The following NTRK2 variants were observed in gnomAD, a reference collection of about 807,000 sequenced individuals.
The protein encoded by NTRK2 is neurotrophic receptor tyrosine kinase 2, also known as BDNF/NT-3 growth factors receptor.
In NTRK2, 13 loss-of-function variants were observed where a neutral mutation model predicts 94.5. The observed-to-expected ratio is 0.14, with a 90% CI of 0.09 to 0.22. The LOEUF (loss-of-function observed/expected upper bound fraction) is 0.22, where lower values mean the gene tolerates loss of function less well. NTRK2 is among the 10% of genes least tolerant of loss of function. The pLI is 1.00. For synonymous variants in NTRK2, 372 were observed against 407.4 expected (o/e 0.91, Z 1.05); for missense variants, 639 against 1,071.2 (o/e 0.60, Z 5.63).
intron 17 of NTRK2, among the ~76,000 whole-genome samples, chr9:85,013,942 C>T (rs184073541): frequency 3.3e-4 from 50 of 152,222 alleles, no homozygotes; most frequent in Non-Finnish European, 5.7e-4. Context: ...TTAGAAGGTC[C>T]CAGATTGGCA....
intron 12 of NTRK2, among the ~76,000 whole-genome samples, chr9:84,834,259 A>C (rs2073742122): frequency 6.6e-6 from 1 of 152,246 alleles, no homozygotes; most frequent in Admixed American, 6.5e-5. Flanking sequence ...GCACAAAATA[A>C]AAAATTATTT....
rs1262477639 is a variant in NTRK2, at chr9:84,672,638, A to G, written c.212+1678A>G. ...AAATTCTGTTTTAGGTGATAGATGC[A>G]TATAATGAAGAAAGAAAGAAGATAG... On this transcript the variant is annotated intron_variant, in intron 2 of 18. Coordinates refer to ENST00000277120, the MANE Select transcript of NTRK2 (RefSeq NM_006180.6). Among the ~76,000 whole-genome samples the G allele has an allele frequency of 2.0e-5, 3 of 152,306 alleles. No individual in the cohort carries two copies. The East Asian group carries it at 5.8e-4, about 29-fold the overall frequency.
At chr9:84,790,793 G>A (rs1588623220) in intron 12 of NTRK2, among the ~76,000 whole-genome samples, 1 of 152,184 alleles carries the variant, frequency 6.6e-6, no homozygotes, top group Admixed American at 6.5e-5. Context: ...AGAACCTGGG[G>A]ACACAAGAGA....
intron 14 of NTRK2, among the ~76,000 whole-genome samples, chr9:84,884,623 G>A (rs150861870): frequency 1.0e-3 from 152 of 152,294 alleles, no homozygotes; most frequent in Non-Finnish European, 1.4e-3. Flanking sequence ...AATATATCAC[G>A]ACGTTTGTGA....
intron 13 of NTRK2, among the ~76,000 whole-genome samples, chr9:84,865,218 T>C (rs957911539): frequency 1.3e-5 from 2 of 152,188 alleles, no homozygotes; most frequent in Non-Finnish European, 2.9e-5. Flanking sequence ...ACACAACTGA[T>C]GGGTTTGCCT....
intron 2 of NTRK2, among the ~76,000 whole-genome samples, chr9:84,685,664 T>C (rs191073775): frequency 2.0e-5 from 3 of 152,162 alleles, no homozygotes; most frequent in African/African-American, 7.2e-5. Flanking sequence ...AGTTTTCAAT[T>C]TATCTACTGA....
chr9:84,767,522 A>G (rs1047559225), intron 12 of NTRK2, among the ~76,000 whole-genome samples: 2 of 152,228 alleles, frequency 1.3e-5, no homozygotes, highest in Admixed American at 6.5e-5. Context: ...TCTTTCTTGA[A>G]TCACCATTGG....
chr9:84,985,359 C>T (rs80179959), intron 17 of NTRK2, among the ~76,000 whole-genome samples: 2,914 of 152,226 alleles, frequency 0.019, 54 homozygotes, highest in Middle Eastern at 0.044. Flanking sequence ...CCTCTGGGCA[C>T]GTTATAGGGG....
chr9:84,893,219 C>T (rs919652977), intron 14 of NTRK2, among the ~76,000 whole-genome samples: 5 of 152,122 alleles, frequency 3.3e-5, no homozygotes, highest in East Asian at 1.9e-4. Flanking sequence ...ATCACTGTTC[C>T]GACTTTTTTA....
intron 14 of NTRK2, among the ~76,000 whole-genome samples, chr9:84,870,736 G>A (rs561690896): frequency 6.6e-6 from 1 of 152,174 alleles, no homozygotes; most frequent in East Asian, 1.9e-4. Flanking sequence ...AGATCTCAGA[G>A]AGAGTTTAGA....
chr9:85,016,520 C>T (rs1832247201), intron 17 of NTRK2, among the ~76,000 whole-genome samples: 1 of 152,174 alleles, frequency 6.6e-6, no homozygotes, highest in South Asian at 2.1e-4. Context: ...TAAGCAAGGG[C>T]ATGAGGGCAA....
At chr9:84,925,375 T>C (rs1312055768) in intron 14 of NTRK2, among the ~76,000 whole-genome samples, 5 of 152,068 alleles carry the variant, frequency 3.3e-5, no homozygotes, top group African/African-American at 1.2e-4. Context: ...TCCCACAGGC[T>C]CGGCCTCCAT....
chr9:84,942,246 T>C (rs1383531715), intron 15 of NTRK2, among the ~76,000 whole-genome samples: 1 of 152,220 alleles, frequency 6.6e-6, no homozygotes, highest in Admixed American at 6.5e-5. Flanking sequence ...TCTCCCAAGT[T>C]CTTTCTATCC....
chr9:84,947,046 C>T (rs1191048218), intron 15 of NTRK2, among the ~76,000 whole-genome samples: 2 of 152,166 alleles, frequency 1.3e-5, no homozygotes, highest in Admixed American at 1.3e-4. Flanking sequence ...ACCTCTGCCT[C>T]CTGGGTTCAA....
chr9:84,805,631 G>C lies in NTRK2; in HGVS notation c.1396+53546G>C, dbSNP rs59508020. On this transcript the variant is annotated intron_variant, in intron 12 of 18. Coordinates refer to ENST00000277120, the MANE Select transcript of NTRK2 (RefSeq NM_006180.6). ...TGGGTTGTTGAGTACACTGAAGTTTGCTATGGTTTGAATGTTTGTCCCCTC... is the reference window on the plus strand; with the variant it reads ...TGGGTTGTTGAGTACACTGAAGTTTCCTATGGTTTGAATGTTTGTCCCCTC... 8.1e-3 allele frequency among the ~76,000 whole-genome samples: 1,241 copies of C among 152,306 alleles called. 10 individuals carry two copies. Among genetic ancestry groups the C allele is most frequent in the African/African-American group, 0.025 (1,052 of 41,568 alleles).
chr9:84,941,690 A>G (rs1004281843), intron 15 of NTRK2, among the ~76,000 whole-genome samples: 42 of 152,208 alleles, frequency 2.8e-4, no homozygotes, highest in African/African-American at 1.0e-3. Flanking sequence ...GTGTATTTAA[A>G]GCCTGTAAAT....
chr9:84,845,318 T>C (rs2074415010), intron 12 of NTRK2, among the ~76,000 whole-genome samples: 2 of 152,218 alleles, frequency 1.3e-5, no homozygotes, highest in South Asian at 4.2e-4. Flanking sequence ...TATTTGTGGC[T>C]ATTGCTATTG....
At chr9:84,789,842 A>G (rs988252134) in intron 12 of NTRK2, among the ~76,000 whole-genome samples, 15 of 152,110 alleles carry the variant, frequency 9.9e-5, no homozygotes, top group African/African-American at 3.4e-4. Flanking sequence ...CTCTTTTCTC[A>G]GAGCCTTATT....
rs765799040 is a variant in NTRK2, at chr9:84,710,707, T to A, written c.499T>A (p.Ser167Thr). The A allele has an allele frequency of 6.2e-7, 1 of 1,614,142 alleles. No homozygotes were observed. Among genetic ancestry groups the A allele is most frequent in the Non-Finnish European group, 8.5e-7 (1 of 1,180,012 alleles). ...GATCAAGACTCTCCAAGAGGCTAAATCCAGTCCAGACACTCAGGATTTGTA... is the reference window on the plus strand; with the variant it reads ...GATCAAGACTCTCCAAGAGGCTAAAACCAGTCCAGACACTCAGGATTTGTA... ...MWIKTLQEAKSSPDTQDLYCL... is the reference protein window; with the variant it reads ...MWIKTLQEAKTSPDTQDLYCL... Residue 167 changes from serine (S) to threonine (T), a missense_variant, in exon 6 of 19, where the codon TCC becomes ACC. Around this residue, in one of 5 missense-constraint regions of NTRK2, gnomAD observed 206 missense variants for 251.5 expected, o/e 0.82. Coordinates refer to ENST00000277120, the MANE Select transcript of NTRK2 (RefSeq NM_006180.6).
Sources: gnomAD v4.1 joint callset for allele counts (sites outside exome capture counted in the v4.1 genomes callset) on GRCh38, gnomAD v4.1.1 for gene constraint, gnomAD v4.1.1 regional missense constraint, MANE v1.5 for transcripts, NCBI Gene and HGNC (gene_info 2026-07-23, HGNC 2026-07-21) for gene names.